The following ATRNL1 variants were observed in gnomAD, a reference collection of about 807,000 sequenced individuals.
The protein encoded by ATRNL1 is attractin like 1, also known as attractin-like protein 1.
ATRNL1 carries 95 observed loss-of-function variants against 182.7 expected under a neutral mutation model. The observed-to-expected ratio is 0.52, with a 90% CI of 0.44 to 0.62. ATRNL1 has a LOEUF of 0.62. Among genes scored for constraint, ATRNL1 ranks in the 20% least tolerant of loss-of-function variants. ATRNL1 has a pLI of 0.00. For synonymous variants in ATRNL1, 576 were observed against 568.3 expected (o/e 1.01, Z -0.19); for missense variants, 1,471 against 1,679.5 (o/e 0.88, Z 2.17).
intron 20 of ATRNL1, among the ~76,000 whole-genome samples, chr10:115,411,213 T>G (rs1175696772): frequency 1.3e-5 from 2 of 150,312 alleles, no homozygotes; most frequent in Non-Finnish European, 3.0e-5. Flanking sequence ...TGAATATATA[T>G]TTAATATATT....
At chr10:115,578,261 C>T (rs1195617149) in intron 26 of ATRNL1, among the ~76,000 whole-genome samples, 1 of 151,784 alleles carries the variant, frequency 6.6e-6, no homozygotes, top group Non-Finnish European at 1.5e-5. Context: ...GTGATACTAG[C>T]TTCATAAGAT....
intron 20 of ATRNL1, among the ~76,000 whole-genome samples, chr10:115,411,155 TA>T (rs1346775465): frequency 1.3e-5 from 2 of 151,644 alleles, no homozygotes; most frequent in African/African-American, 4.8e-5. Context: ...AGTCTCTGAG[TA>T]AAAAAATTAT....
At chr10:115,466,694 G>A (rs1848067097) in intron 22 of ATRNL1, among the ~76,000 whole-genome samples, 1 of 150,924 alleles carries the variant, frequency 6.6e-6, no homozygotes. Flanking sequence ...AAAGTTTTAG[G>A]TTATGTTATT....
At position 115,756,184 on chromosome 10, in the gene ATRNL1, C is replaced by T. The variant is rs181219101; in HGVS notation, c.3903+28829C>T. On this transcript the variant is annotated intron_variant, in intron 27 of 28. Transcript: ENST00000355044. ...CTATCTCCTTCAGTTCTGCTCTGAT[C>T]TTATTTCTTGTCTTCTGCTAGCTTT... 1.9e-3 allele frequency among the ~76,000 whole-genome samples: 292 copies of T among 150,196 alleles called. 1 individual carries two copies. Among genetic ancestry groups the T allele is most frequent in the African/African-American group, 6.3e-3 (259 of 41,270 alleles).
chr10:115,631,791 A>T (rs1479634182), intron 26 of ATRNL1, among the ~76,000 whole-genome samples: 5 of 152,106 alleles, frequency 3.3e-5, no homozygotes, highest in African/African-American at 1.2e-4. Flanking sequence ...TATTATCGAG[A>T]TCACATTTTG....
chr10:115,516,928 A>G (rs1267453241), intron 24 of ATRNL1, among the ~76,000 whole-genome samples: 1 of 151,842 alleles, frequency 6.6e-6, no homozygotes, highest in Admixed American at 6.6e-5. Flanking sequence ...TCAAAACACC[A>G]CTGTCAACAA....
At chr10:115,589,932 G>A (rs1011431159) in intron 26 of ATRNL1, among the ~76,000 whole-genome samples, 1 of 152,066 alleles carries the variant, frequency 6.6e-6, no homozygotes, top group African/African-American at 2.4e-5. Flanking sequence ...ATTATTTTCT[G>A]TGTAAAACCG....
At chr10:115,669,002 G>A (rs374389337) in intron 26 of ATRNL1, among the ~76,000 whole-genome samples, 4 of 151,946 alleles carry the variant, frequency 2.6e-5, no homozygotes, top group Non-Finnish European at 4.4e-5. Flanking sequence ...AAAATGCTTC[G>A]TATTGTAGAA....
chr10:115,856,195 G>A (rs1034596805), intron 28 of ATRNL1, among the ~76,000 whole-genome samples: 3 of 151,834 alleles, frequency 2.0e-5, no homozygotes, highest in Non-Finnish European at 2.9e-5. Flanking sequence ...TTGGGAGGCC[G>A]AGGCAGGTGG....
At chr10:115,918,357 C>T (rs548509334) in intron 28 of ATRNL1, among the ~76,000 whole-genome samples, 12 of 152,254 alleles carry the variant, frequency 7.9e-5, no homozygotes, top group African/African-American at 2.9e-4. Flanking sequence ...CCCACCTTGG[C>T]CTCGCAAAGT....
At chr10:115,848,123 A>T in intron 28 of ATRNL1, 132 bp downstream of exon 28, 1 of 612,842 alleles carries the variant, frequency 1.6e-6, no homozygotes. Flanking sequence ...AAATTTTATG[A>T]GAATACAAAC....
rs1853487027 is a variant in ATRNL1, at chr10:115,301,884, A to G, written c.2659A>G (p.Lys887Glu). The G allele has an allele frequency of 4.4e-6, 7 of 1,609,104 alleles. No individual in the cohort carries two copies. The highest frequency in any genetic ancestry group is 4.5e-5 in the East Asian group (2 of 44,774). The change falls in exon 17 of 29, where the codon AAA becomes GAA. Residue 887 changes from lysine to glutamate, a missense_variant. Lys to Glu is a moderately conservative substitution (Grantham distance 56). Transcript: ENST00000355044. ...TCCAAATCAAAATGCGAGGCCGTGC[A>G]AAAAGCCATGCTCTCTGAGGACATC... ...VSPNQNARPCKKPCSLRTSCS... is the reference protein window; with the variant it reads ...VSPNQNARPCEKPCSLRTSCS...
chr10:115,301,766 T>C (rs1299407621), intron 16 of ATRNL1, 89 bp from the exon 17 acceptor site: 6 of 1,122,110 alleles, frequency 5.3e-6, no homozygotes, highest in Middle Eastern at 2.8e-4. Flanking sequence ...AATTGAAACA[T>C]GCCCTGAACA....
rs531532387 is a variant in ATRNL1 at position 115,458,911 on chromosome 10, A to G, written c.3323-3030A>G. Among the ~76,000 whole-genome samples the G allele has an allele frequency of 7.2e-5, 11 of 152,282 alleles. No homozygotes were observed. The East Asian group carries it at 2.1e-3, about 29-fold the overall frequency. On this transcript the variant is annotated intron_variant, in intron 21 of 28. Coordinates refer to ENST00000355044, the MANE Select transcript of ATRNL1 (RefSeq NM_207303.4). Reference sequence around the variant, plus strand: ...GCCCTACTTTTTGTTGTGGGAAGTCAGGGACCCCAAATGGAGGGACCGGCT... The same window carrying G: ...GCCCTACTTTTTGTTGTGGGAAGTCGGGGACCCCAAATGGAGGGACCGGCT...
intron 26 of ATRNL1, among the ~76,000 whole-genome samples, chr10:115,673,560 T>G (rs1945767096): frequency 6.6e-6 from 1 of 152,066 alleles, no homozygotes; most frequent in African/African-American, 2.4e-5. Flanking sequence ...ACCAGTAATT[T>G]CTAAGCCAAG....
intron 26 of ATRNL1, among the ~76,000 whole-genome samples, chr10:115,713,447 G>GTGTGTGTGTGTGTGTT (rs1555055174): frequency 1.8e-5 from 2 of 108,748 alleles, no homozygotes; most frequent in Non-Finnish European, 3.6e-5. Context: ...AAGTGGCTGT[G>GTGTGTGTGTGTGTGTT]TGTGTGTGTG....
At chr10:115,300,281 A>G (rs1554924069) in intron 16 of ATRNL1, 34 bp downstream of exon 16, 1 of 1,553,546 alleles carries the variant, frequency 6.4e-7, no homozygotes, top group East Asian at 2.3e-5. Flanking sequence ...TTCCTTTAAA[A>G]GTATGTTTCC....
intron 21 of ATRNL1, among the ~76,000 whole-genome samples, chr10:115,453,985 G>C (rs933693004): frequency 6.6e-6 from 1 of 151,998 alleles, no homozygotes; most frequent in Admixed American, 6.6e-5. Flanking sequence ...CCATTGTGAA[G>C]TTCTCTGTTG....
At chr10:115,120,043 C>T in intron 1 of ATRNL1, 142 bp from the exon 2 acceptor site, 1 of 557,966 alleles carries the variant, frequency 1.8e-6, no homozygotes, top group South Asian at 2.3e-5. Flanking sequence ...TGAAATTTTC[C>T]TAAGTTGTAA....
Sources: gnomAD v4.1 joint callset for allele counts (sites outside exome capture counted in the v4.1 genomes callset) on GRCh38, gnomAD v4.1.1 for gene constraint, MANE v1.5 for transcripts, NCBI Gene and HGNC (gene_info 2026-07-23, HGNC 2026-07-21) for gene names.